PLPPR5: variants seen among roughly 807,000 people sequenced by gnomAD.
PLPPR5 encodes phospholipid phosphatase related 5, also known as phospholipid phosphatase-related protein type 5.
In PLPPR5, 16 loss-of-function variants were observed where a neutral mutation model predicts 33.9. That is an observed-to-expected ratio of 0.47 (90% confidence interval 0.32 to 0.72). PLPPR5 has a LOEUF of 0.72. Ranked by LOEUF, PLPPR5 falls within the 30% of genes least tolerant of loss-of-function variation. PLPPR5 has a pLI of 0.03. For synonymous variants in PLPPR5, 163 were observed against 150.3 expected, an observed-to-expected ratio of 1.08 and a Z score of -0.62; for missense variants, 301 against 406.7, an observed-to-expected ratio of 0.74 and a Z score of 2.23.
At chr1:99,003,671 T>C (rs1652953433) in intron 1 of PLPPR5, among the ~76,000 whole-genome samples, 5 of 152,232 alleles carry the variant, frequency 3.3e-5, no homozygotes, top group Admixed American at 2.0e-4. Flanking sequence ...TGTATCTGTA[T>C]AGTCATTCTT....
At chr1:98,990,512 CA>C (rs1418922594) in intron 1 of PLPPR5, among the ~76,000 whole-genome samples, 73 of 152,102 alleles carry the variant, frequency 4.8e-4, no homozygotes, top group Non-Finnish European at 8.1e-4. Flanking sequence ...ATAGTAATTA[CA>C]GAGGCAAAAT....
At position 99,004,256 on chromosome 1, in the gene PLPPR5, C is replaced by T. The variant is rs936386504; in HGVS notation, c.237+179G>A. 6.3e-5 allele frequency: 37 copies of T among 587,588 alleles called. No homozygotes were observed. The East Asian group carries it at 1.1e-3, about 18-fold the overall frequency. 36.4% of individuals were successfully genotyped at this position (587,588 alleles called of 1,614,324 possible). ...GGTGACGTGTGGGAAGAGCTGGGGG[C>T]TTCCTTCGCACCCACCCTCACGCGC... On this transcript the variant is annotated intron_variant, in intron 1 of 5. Coordinates refer to ENST00000263177, the MANE Select transcript of PLPPR5 (RefSeq NM_001037317.2).
chr1:98,999,443 T>G (rs1652747814), intron 1 of PLPPR5, among the ~76,000 whole-genome samples: 1 of 152,222 alleles, frequency 6.6e-6, no homozygotes, highest in Non-Finnish European at 1.5e-5. Context: ...CCAGAGTCTG[T>G]GATCTTAACC....
intron 1 of PLPPR5, among the ~76,000 whole-genome samples, chr1:98,964,652 G>A (rs886978114): frequency 6.6e-6 from 1 of 152,140 alleles, no homozygotes. Flanking sequence ...GCCAAGAGAG[G>A]CAAAGCACCT....
rs1057501722 is a variant in PLPPR5 at position 98,891,437 on chromosome 1, C to T, written c.*1635G>A. On this transcript the variant is annotated 3_prime_UTR_variant, in exon 6 of 6. Coordinates refer to ENST00000263177, the MANE Select transcript of PLPPR5 (RefSeq NM_001037317.2). ...GTCAATTACTGCCAAAGTTACTTTGCCATATAAGCCAAAGTTACTTAGGGT... is the reference window on the plus strand; with the variant it reads ...GTCAATTACTGCCAAAGTTACTTTGTCATATAAGCCAAAGTTACTTAGGGT... 3.9e-5 allele frequency: 6 copies of T among 151,998 alleles called. No individual in the cohort carries two copies. Among genetic ancestry groups the T allele is most frequent in the Middle Eastern group, 3.2e-3 (1 of 316 alleles). The allele number at this position is 151,998 out of a possible 1,614,324, so 9.4% of individuals were successfully genotyped here.
At chr1:98,965,685 C>T (rs537689484) in intron 1 of PLPPR5, among the ~76,000 whole-genome samples, 1 of 152,252 alleles carries the variant, frequency 6.6e-6, no homozygotes, top group South Asian at 2.1e-4. Context: ...TGAAGTTTTA[C>T]TAGGAAGAGA....
At chr1:98,955,198 G>T (rs972106525) in intron 2 of PLPPR5, among the ~76,000 whole-genome samples, 4 of 151,940 alleles carry the variant, frequency 2.6e-5, no homozygotes, top group African/African-American at 7.2e-5. Flanking sequence ...CAAACCATAA[G>T]GGAACAAGAA....
chr1:98,897,546 T>A (rs1344476201), intron 5 of PLPPR5, among the ~76,000 whole-genome samples: 1 of 152,180 alleles, frequency 6.6e-6, no homozygotes, highest in Non-Finnish European at 1.5e-5. Context: ...AGATGATTGA[T>A]GATAAAAAGC....
chr1:98,948,911 C>T (rs563213437), intron 3 of PLPPR5, among the ~76,000 whole-genome samples: 4 of 152,146 alleles, frequency 2.6e-5, no homozygotes, highest in Admixed American at 1.3e-4. Flanking sequence ...CAACACGTAG[C>T]GGAAACAGAG....
intron 1 of PLPPR5, 87 bp downstream of exon 1, chr1:99,004,348 C>CGCCCCAACCCTTAGAGGG (rs1652983351): frequency 8.7e-7 from 1 of 1,154,654 alleles, no homozygotes; most frequent in Non-Finnish European, 1.2e-6. Flanking sequence ...AAACCTACTG[C>CGCCCCAACCCTTAGAGGG]GCCCCAACCC....
chr1:98,999,478 G>A (rs565626719), intron 1 of PLPPR5, among the ~76,000 whole-genome samples: 26 of 152,308 alleles, frequency 1.7e-4, no homozygotes, highest in African/African-American at 4.6e-4. Flanking sequence ...GTCTCCAAGA[G>A]GTGGGTGTTT....
chr1:98,990,274 C>G (rs1273264981), intron 1 of PLPPR5, among the ~76,000 whole-genome samples: 2 of 152,088 alleles, frequency 1.3e-5, no homozygotes, highest in African/African-American at 2.4e-5. Flanking sequence ...GAGGCTGAGG[C>G]AGGAGAATCG....
intron 1 of PLPPR5, among the ~76,000 whole-genome samples, chr1:98,997,971 G>A (rs1022925963): frequency 6.6e-6 from 1 of 152,170 alleles, no homozygotes; most frequent in Admixed American, 6.5e-5. Flanking sequence ...AGGAAAGAGA[G>A]AGAAGGGTGG....
At chr1:98,973,719 G>A (rs1651742310) in intron 1 of PLPPR5, among the ~76,000 whole-genome samples, 2 of 152,070 alleles carry the variant, frequency 1.3e-5, no homozygotes, top group Non-Finnish European at 2.9e-5. Context: ...TCTCAGAGGA[G>A]GGGAAGTATA....
At chr1:98,928,788 C>A (rs1649859593) in intron 3 of PLPPR5, among the ~76,000 whole-genome samples, 1 of 151,430 alleles carries the variant, frequency 6.6e-6, no homozygotes, top group African/African-American at 2.4e-5. Context: ...GCAACATTTA[C>A]CTGCATATTT....
chr1:98,911,759 T>A (rs1649156934), intron 5 of PLPPR5, among the ~76,000 whole-genome samples: 1 of 152,114 alleles, frequency 6.6e-6, no homozygotes, highest in Non-Finnish European at 1.5e-5. Context: ...AACCCTTTTT[T>A]TTTTTAGAGA....
At chr1:98,912,090 T>C (rs1237305197) in intron 5 of PLPPR5, among the ~76,000 whole-genome samples, 1 of 152,156 alleles carries the variant, frequency 6.6e-6, no homozygotes, top group Non-Finnish European at 1.5e-5. Flanking sequence ...ATTTTTAAAC[T>C]TTATTTAGTA....
chr1:98,931,191 T>G (rs938168891), intron 3 of PLPPR5, among the ~76,000 whole-genome samples: 1 of 152,190 alleles, frequency 6.6e-6, no homozygotes, highest in Admixed American at 6.5e-5. Context: ...TAAAAATATT[T>G]ATCTTTTTCT....
At chr1:98,997,986 G>T (rs1482449265) in intron 1 of PLPPR5, among the ~76,000 whole-genome samples, 1 of 152,144 alleles carries the variant, frequency 6.6e-6, no homozygotes, top group East Asian at 1.9e-4. Flanking sequence ...GGGTGGAAGA[G>T]GTGAAGGGAG....
Sources: allele counts gnomAD v4.1 joint callset (sites outside exome capture counted in the v4.1 genomes callset), GRCh38; gene constraint gnomAD v4.1.1; transcripts MANE v1.5; gene names NCBI Gene and HGNC (gene_info 2026-07-23, HGNC 2026-07-21).